OR9Q1: variants seen among roughly 807,000 people sequenced by gnomAD.
OR9Q1 encodes olfactory receptor 9Q1.
For synonymous variants in OR9Q1, 153 were observed against 148.6 expected (o/e 1.03, Z -0.22); for missense variants, 374 against 378.8 (o/e 0.99, Z 0.11).
chr11:58,179,772 A>T lies in OR9Q1; in HGVS notation c.328A>T (p.Ile110Phe). The change falls in exon 3 of 3, where the codon ATC (isoleucine) becomes TTC (phenylalanine). Residue 110 changes from isoleucine to phenylalanine, a missense_variant. Transcript: ENST00000335397. ...CTTTCTGTTCACCTTCTTTGGTTCC[A>T]TCGACTGCTACCTCTTGGCCCTCAT... ...QFFLFTFFGS[I>F]DCYLLALMAY... The T allele has an allele frequency of 6.2e-7, 1 of 1,614,152 alleles. No individual in the cohort carries two copies. The highest frequency in any genetic ancestry group is 1.1e-5 in the South Asian group (1 of 91,082).
intron 2 of OR9Q1, chr11:58,109,057 C>A: frequency 2.1e-6 from 1 of 467,398 alleles, no homozygotes. Context: ...GCATTTTGCA[C>A]AAAGGAGAAT....
chr11:58,140,623 T>A (rs557813554), intron 2 of OR9Q1, among the ~76,000 whole-genome samples: 4 of 152,310 alleles, frequency 2.6e-5, no homozygotes, highest in Non-Finnish European at 5.9e-5. Flanking sequence ...TTCTGAGGGC[T>A]CCGTTCTGTT....
chr11:58,101,036 A>G (rs1853778650), intron 2 of OR9Q1, among the ~76,000 whole-genome samples: 1 of 152,142 alleles, frequency 6.6e-6, no homozygotes, highest in Non-Finnish European at 1.5e-5. Context: ...GGTTGGAAGG[A>G]AAAGATGGGT....
At chr11:58,084,172 A>C (rs902332804) in intron 2 of OR9Q1, among the ~76,000 whole-genome samples, 1 of 150,994 alleles carries the variant, frequency 6.6e-6, no homozygotes, top group African/African-American at 2.4e-5. Context: ...GAGCTCTTTC[A>C]CCTCCTTTAT....
chr11:58,060,635 C>T (rs556890788), intron 2 of OR9Q1, among the ~76,000 whole-genome samples: 3 of 152,238 alleles, frequency 2.0e-5, no homozygotes, highest in South Asian at 2.1e-4. Flanking sequence ...GTCAGGAGTT[C>T]GAGACTAGCC....
chr11:58,045,903 C>G (rs923752744), intron 1 of OR9Q1, among the ~76,000 whole-genome samples: 10 of 152,188 alleles, frequency 6.6e-5, no homozygotes, highest in African/African-American at 9.7e-5. Context: ...TCCTGTGCAT[C>G]TTAGGGCATT....
At chr11:58,135,163 C>A (rs528511245) in intron 2 of OR9Q1, among the ~76,000 whole-genome samples, 2 of 152,280 alleles carry the variant, frequency 1.3e-5, no homozygotes, top group African/African-American at 2.4e-5. Flanking sequence ...AGCATTCGGG[C>A]TCCTTGAGAC....
At chr11:58,147,787 A>G (rs1854313119) in intron 2 of OR9Q1, among the ~76,000 whole-genome samples, 1 of 152,196 alleles carries the variant, frequency 6.6e-6, no homozygotes, top group Non-Finnish European at 1.5e-5. Flanking sequence ...AACATTCATA[A>G]ATTACCTAAT....
At chr11:58,032,605 C>A (rs1222931819) in intron 1 of OR9Q1, among the ~76,000 whole-genome samples, 1 of 152,096 alleles carries the variant, frequency 6.6e-6, no homozygotes, top group Non-Finnish European at 1.5e-5. Flanking sequence ...TCACCATATT[C>A]AAAAATTAAG....
chr11:58,123,683 A>T (rs146931664), intron 2 of OR9Q1, among the ~76,000 whole-genome samples: 2 of 152,310 alleles, frequency 1.3e-5, no homozygotes, highest in African/African-American at 4.8e-5. Context: ...TGAACCTAGG[A>T]CATTCTAATT....
At chr11:58,060,994 G>C (rs143918435) in intron 2 of OR9Q1, among the ~76,000 whole-genome samples, 1 of 152,058 alleles carries the variant, frequency 6.6e-6, no homozygotes, top group Non-Finnish European at 1.5e-5. Flanking sequence ...CAGACTGTTC[G>C]AGTTCATGCC....
chr11:58,101,805 G>GA (rs1354883798), intron 2 of OR9Q1, among the ~76,000 whole-genome samples: 2 of 152,068 alleles, frequency 1.3e-5, no homozygotes, highest in Non-Finnish European at 2.9e-5. Context: ...GGAGTGCAAT[G>GA]GCACAATCTC....
chr11:58,037,010 T>A (rs979204219), intron 1 of OR9Q1, among the ~76,000 whole-genome samples: 1 of 152,330 alleles, frequency 6.6e-6, no homozygotes, highest in East Asian at 1.9e-4. Context: ...ATTAGCATCA[T>A]GTGTTACAGA....
At chr11:58,157,499 T>C (rs1305319056) in intron 2 of OR9Q1, among the ~76,000 whole-genome samples, 1 of 151,734 alleles carries the variant, frequency 6.6e-6, no homozygotes, top group Non-Finnish European at 1.5e-5. Context: ...TATCCTCTAG[T>C]AGTAAAAATA....
intron 2 of OR9Q1, among the ~76,000 whole-genome samples, chr11:58,150,889 G>A (rs1055929132): frequency 4.6e-5 from 7 of 152,138 alleles, no homozygotes; most frequent in Non-Finnish European, 8.8e-5. Flanking sequence ...CATCATCATC[G>A]TGGGAGATGA....
At chr11:58,101,619 C>T (rs1031440569) in intron 2 of OR9Q1, among the ~76,000 whole-genome samples, 2 of 152,110 alleles carry the variant, frequency 1.3e-5, no homozygotes, top group African/African-American at 4.8e-5. Flanking sequence ...TTTTGCTGTA[C>T]AGAGCGTTTT....
chr11:58,140,629 C>G (rs1004607955), intron 2 of OR9Q1, among the ~76,000 whole-genome samples: 26 of 152,142 alleles, frequency 1.7e-4, no homozygotes, highest in Non-Finnish European at 3.4e-4. Context: ...GGGCTCCGTT[C>G]TGTTCCATTG....
At chr11:58,076,632 T>G (rs189623849) in intron 2 of OR9Q1, among the ~76,000 whole-genome samples, 138 of 152,260 alleles carry the variant, frequency 9.1e-4, no homozygotes, top group African/African-American at 3.2e-3. Context: ...AATATATAAC[T>G]TTAGAATAGT....
intron 2 of OR9Q1, among the ~76,000 whole-genome samples, chr11:58,076,972 A>G (rs952159628): frequency 6.6e-6 from 1 of 152,200 alleles, no homozygotes; most frequent in South Asian, 2.1e-4. Flanking sequence ...AATTTTCAGG[A>G]TAAAGAGAAT....
Sources: allele counts gnomAD v4.1 joint callset (sites outside exome capture counted in the v4.1 genomes callset), GRCh38; gene constraint gnomAD v4.1.1; transcripts MANE v1.5; gene names NCBI Gene and HGNC (gene_info 2026-07-23, HGNC 2026-07-21).